SPATA17: variants seen among roughly 807,000 people sequenced by gnomAD.
SPATA17 encodes the protein spermatogenesis associated 17.
SPATA17 carries 53 observed loss-of-function variants against 62.2 expected under a neutral mutation model. The ratio of observed to expected loss-of-function variants is 0.85; its 90% confidence interval spans 0.68 to 1.07. The LOEUF is 1.07. Among genes scored for constraint, SPATA17 ranks in the 50% least tolerant of loss-of-function variants. SPATA17 has a pLI of 0.00. For missense variants in SPATA17, 466 were observed against 425.5 expected (o/e 1.10, Z -0.84); for synonymous variants, 146 against 146.8 (o/e 0.99, Z 0.04).
At chr1:217,656,089 G>A (rs1325260628) in intron 3 of SPATA17, among the ~76,000 whole-genome samples, 1 of 151,408 alleles carries the variant, frequency 6.6e-6, no homozygotes, top group East Asian at 1.9e-4. Flanking sequence ...TCACCATGTT[G>A]GCCAGGCTGG....
At chr1:217,826,846 C>T (rs1261984345) in intron 9 of SPATA17, among the ~76,000 whole-genome samples, 1 of 151,202 alleles carries the variant, frequency 6.6e-6, no homozygotes, top group Admixed American at 6.6e-5. Flanking sequence ...TATTTAAATT[C>T]TCTGTACCTT....
At chr1:217,786,750 T>TTTCCTCTTCTTCTTCTTCTTCTTCTTC (rs1673874042) in intron 8 of SPATA17, among the ~76,000 whole-genome samples, 1 of 107,436 alleles carries the variant, frequency 9.3e-6, no homozygotes, top group Non-Finnish European at 1.9e-5. Context: ...TGATATTCTC[T>TTTCCTCTTCTTCTTCTTCTTCTTCTTC]TTCTTCTTCT....
At chr1:217,765,996 T>C (rs1673291652) in intron 6 of SPATA17, among the ~76,000 whole-genome samples, 1 of 152,014 alleles carries the variant, frequency 6.6e-6, no homozygotes, top group Non-Finnish European at 1.5e-5. Context: ...TTTTTATTAT[T>C]GTTATCCTGG....
intron 9 of SPATA17, among the ~76,000 whole-genome samples, chr1:217,853,601 T>C (rs1675712001): frequency 6.6e-6 from 1 of 152,196 alleles, no homozygotes; most frequent in African/African-American, 2.4e-5. Flanking sequence ...GCAGTAGTTA[T>C]GTTCTATAAA....
At chr1:217,859,437 G>A (rs879668531) in intron 9 of SPATA17, among the ~76,000 whole-genome samples, 4 of 151,638 alleles carry the variant, frequency 2.6e-5, no homozygotes, top group Admixed American at 6.6e-5. Context: ...ATATTACGAG[G>A]AACTCTGTCA....
At chr1:217,841,989 G>A (rs1050115114) in intron 9 of SPATA17, among the ~76,000 whole-genome samples, 2 of 151,530 alleles carry the variant, frequency 1.3e-5, no homozygotes, top group East Asian at 3.9e-4. Context: ...TGTTAAAGAT[G>A]GTTCCTATGT....
chr1:217,870,380 C>G lies in SPATA17; in HGVS notation c.*3361C>G, dbSNP rs1043771244. The G allele has an allele frequency of 6.6e-6, 1 of 152,116 alleles. No homozygotes were observed. Among genetic ancestry groups the G allele is most frequent in the Non-Finnish European group, 1.5e-5 (1 of 68,040 alleles). 9.4% of individuals were successfully genotyped at this position (152,116 alleles called of 1,614,324 possible). A position where few individuals can be genotyped will look rare whatever the true frequency, so the allele number is the denominator to read the frequency against. Reference sequence around the variant, plus strand: ...GTCCTTAACCACCATCTGCCTCTCCCCCCAGACACACATAAGTTTATGATA... The same window carrying G: ...GTCCTTAACCACCATCTGCCTCTCCGCCCAGACACACATAAGTTTATGATA... On this transcript the variant is annotated 3_prime_UTR_variant, in exon 11 of 11. Transcript: ENST00000366933.
chr1:217,702,938 G>A (rs895329365), intron 5 of SPATA17, among the ~76,000 whole-genome samples: 1 of 151,028 alleles, frequency 6.6e-6, no homozygotes, highest in Non-Finnish European at 1.5e-5. Flanking sequence ...CTGGAGTGGC[G>A]ACATCTCGGC....
chr1:217,671,076 G>GAT (rs1455842557), intron 4 of SPATA17, among the ~76,000 whole-genome samples: 2 of 151,970 alleles, frequency 1.3e-5, no homozygotes, highest in Non-Finnish European at 2.9e-5. Flanking sequence ...GTATCAGTTA[G>GAT]ATATATATGG....
intron 8 of SPATA17, among the ~76,000 whole-genome samples, chr1:217,790,083 C>A (rs778474470): frequency 6.6e-6 from 1 of 152,006 alleles, no homozygotes; most frequent in Non-Finnish European, 1.5e-5. Flanking sequence ...AAATGTTAAC[C>A]GGTTAGGGGG....
At chr1:217,696,331 A>G (rs1558569101) in intron 5 of SPATA17, among the ~76,000 whole-genome samples, 3 of 152,126 alleles carry the variant, frequency 2.0e-5, no homozygotes, top group African/African-American at 4.8e-5. Flanking sequence ...AGGTGAGGCA[A>G]TGCCTCGCCC....
At chr1:217,747,289 A>G (rs1558589837) in intron 6 of SPATA17, among the ~76,000 whole-genome samples, 2 of 152,284 alleles carry the variant, frequency 1.3e-5, no homozygotes, top group East Asian at 3.9e-4. Flanking sequence ...TCATTTGCAG[A>G]TTTGTTTTAT....
intron 9 of SPATA17, among the ~76,000 whole-genome samples, chr1:217,806,305 G>A (rs561208025): frequency 3.3e-5 from 5 of 152,292 alleles, no homozygotes; most frequent in South Asian, 2.1e-4. Flanking sequence ...ACATAGCTCC[G>A]TGTAAGGGTG....
intron 5 of SPATA17, among the ~76,000 whole-genome samples, chr1:217,690,479 T>TG (rs139908932): frequency 1.4e-5 from 2 of 146,550 alleles, no homozygotes; most frequent in Non-Finnish European, 3.0e-5. Context: ...TTTTATTTTT[T>TG]TTTTTTTTAA....
intron 9 of SPATA17, among the ~76,000 whole-genome samples, chr1:217,837,164 A>G (rs559908299): frequency 1.1e-4 from 16 of 152,176 alleles, no homozygotes; most frequent in Non-Finnish European, 1.6e-4. Context: ...GAATCTAGAT[A>G]TTTTGGTTCT....
intron 6 of SPATA17, among the ~76,000 whole-genome samples, chr1:217,762,044 T>G (rs1465175556): frequency 6.6e-6 from 1 of 152,192 alleles, no homozygotes; most frequent in Non-Finnish European, 1.5e-5. Context: ...TGAAATGGTC[T>G]TCTCCCTTGT....
At chr1:217,660,420 A>T (rs1370144733) in intron 3 of SPATA17, among the ~76,000 whole-genome samples, 1 of 152,204 alleles carries the variant, frequency 6.6e-6, no homozygotes, top group Non-Finnish European at 1.5e-5. Context: ...TACCAACTGG[A>T]TAAATGATTC....
At chr1:217,703,174 C>CTTTTTTTTTTTTTTCTTT (rs1203063860) in intron 5 of SPATA17, among the ~76,000 whole-genome samples, 1 of 105,510 alleles carries the variant, frequency 9.5e-6, no homozygotes, top group African/African-American at 3.9e-5. Context: ...TGCGCTCGGC[C>CTTTTTTTTTTTTTTCTTT]TTTTTTTTTT....
At chr1:217,859,132 ATAAT>A (rs201027490) in intron 9 of SPATA17, among the ~76,000 whole-genome samples, 15,450 of 146,828 alleles carry the variant, frequency 0.11, 840 homozygotes, top group East Asian at 0.16. Flanking sequence ...AAATTTATAT[ATAAT>A]TAAAACATAA....
Sources: gnomAD v4.1 joint callset for allele counts (sites outside exome capture counted in the v4.1 genomes callset) on GRCh38, gnomAD v4.1.1 for gene constraint, MANE v1.5 for transcripts, NCBI Gene and HGNC (gene_info 2026-07-23, HGNC 2026-07-21) for gene names.